MKLN1: variants seen among roughly 807,000 people sequenced by gnomAD.
MKLN1 encodes the protein muskelin.
A neutral mutation model predicts 99.0 loss-of-function variants in MKLN1; 18 were observed. That is an observed-to-expected ratio of 0.18 (90% CI 0.13 to 0.27). MKLN1 has a LOEUF of 0.27. Among genes scored for constraint, MKLN1 ranks in the 10% least tolerant of loss-of-function variants. The pLI is 1.00. For synonymous variants in MKLN1, 288 were observed against 293.2 expected (o/e 0.98, Z 0.18); for missense variants, 621 against 875.9 (o/e 0.71, Z 3.67).
intron 1 of MKLN1, among the ~76,000 whole-genome samples, chr7:131,132,825 C>A (rs1795572315): frequency 6.8e-6 from 1 of 147,410 alleles, no homozygotes; most frequent in Non-Finnish European, 1.5e-5. Flanking sequence ...ACTCATGAGG[C>A]TGAGGCAGGA....
At chr7:131,153,799 A>G (rs1372867150) in intron 2 of MKLN1, among the ~76,000 whole-genome samples, 1 of 151,412 alleles carries the variant, frequency 6.6e-6, no homozygotes, top group Non-Finnish European at 1.5e-5. Context: ...AGTAGCTAGG[A>G]TTACAGGCGT....
At chr7:131,411,846 G>A (rs1366630804) in intron 7 of MKLN1, among the ~76,000 whole-genome samples, 1 of 140,008 alleles carries the variant, frequency 7.1e-6, no homozygotes, top group Non-Finnish European at 1.5e-5. Context: ...GGCAGAGGTT[G>A]CAGTGAGCTG....
intron 3 of MKLN1, among the ~76,000 whole-genome samples, chr7:131,283,549 C>G (rs971007904): frequency 2.6e-5 from 4 of 151,790 alleles, no homozygotes; most frequent in Non-Finnish European, 5.9e-5. Context: ...ATCCTCCCAC[C>G]TCAGCCTCCC....
intron 1 of MKLN1, among the ~76,000 whole-genome samples, chr7:131,127,249 GCAGATGAAGGGT>G (rs1254148070): frequency 6.6e-6 from 1 of 152,106 alleles, no homozygotes; most frequent in Non-Finnish European, 1.5e-5. Flanking sequence ...ACCACACTCA[GCAGATGAAGGGT>G]CTACTTGGGA....
intron 1 of MKLN1, among the ~76,000 whole-genome samples, chr7:131,136,782 T>C (rs960619636): frequency 4.6e-5 from 7 of 152,326 alleles, no homozygotes; most frequent in Middle Eastern, 3.4e-3. Flanking sequence ...CGCTGTTCCC[T>C]GGAACACCCA....
At chr7:131,116,858 A>G (rs1398604723) in intron 1 of MKLN1, among the ~76,000 whole-genome samples, 3 of 152,148 alleles carry the variant, frequency 2.0e-5, no homozygotes, top group African/African-American at 7.2e-5. Flanking sequence ...TTAATAACAT[A>G]CTTGGCTGGC....
intron 3 of MKLN1, among the ~76,000 whole-genome samples, chr7:131,248,813 T>C (rs1584866750): frequency 6.6e-6 from 1 of 152,182 alleles, no homozygotes; most frequent in East Asian, 1.9e-4. Context: ...CCCACATGGG[T>C]GGGCACCTGC....
intron 3 of MKLN1, among the ~76,000 whole-genome samples, chr7:131,308,799 G>A (rs1403891096): frequency 1.3e-5 from 2 of 149,374 alleles, no homozygotes; most frequent in Non-Finnish European, 3.0e-5. Flanking sequence ...TAGTCAAGCT[G>A]GCTGCCAACT....
At chr7:131,344,556 G>A (rs529265807) in intron 1 of MKLN1, among the ~76,000 whole-genome samples, 1 of 152,158 alleles carries the variant, frequency 6.6e-6, no homozygotes, top group East Asian at 1.9e-4. Context: ...CCTTCCACTG[G>A]GTATGCGGGC....
rs192126960 is a variant in MKLN1 at position 131,392,274 on chromosome 7, G to C, written c.400+3302G>C. ...ATGGAGAGATGTGGATTTTTGTAAA[G>C]GAGTCAGCTGCAGCCTGGATGATTG... On this transcript the variant is annotated intron_variant, in intron 4 of 17. Coordinates refer to ENST00000352689, the MANE Select transcript of MKLN1 (RefSeq NM_013255.5). Among the ~76,000 whole-genome samples, 170 of 152,244 alleles carry C rather than the reference G, an allele frequency of 1.1e-3. 1 individual carries two copies. The highest frequency in any genetic ancestry group is 7.7e-3 in the South Asian group (37 of 4,824).
At chr7:131,413,498 G>A (rs1024367160) in intron 7 of MKLN1, among the ~76,000 whole-genome samples, 1 of 151,900 alleles carries the variant, frequency 6.6e-6, no homozygotes, top group African/African-American at 2.4e-5. Flanking sequence ...TATCAAGTAA[G>A]ACATTAGAAT....
At chr7:131,153,680 T>TTTTGTGAA (rs1795924155) in intron 2 of MKLN1, among the ~76,000 whole-genome samples, 1 of 149,942 alleles carries the variant, frequency 6.7e-6, no homozygotes, top group Non-Finnish European at 1.5e-5. Context: ...TTTTTTTTTT[T>TTTTGTGAA]GAGAAGGAGT....
At chr7:131,285,622 C>T (rs1186607627) in intron 3 of MKLN1, among the ~76,000 whole-genome samples, 1 of 152,160 alleles carries the variant, frequency 6.6e-6, no homozygotes, top group Non-Finnish European at 1.5e-5. Flanking sequence ...TTCTTTTCTT[C>T]TCTTAAAAAG....
At chr7:131,334,907 A>G (rs1385267842) in intron 1 of MKLN1, among the ~76,000 whole-genome samples, 1 of 152,222 alleles carries the variant, frequency 6.6e-6, no homozygotes, top group Non-Finnish European at 1.5e-5. Flanking sequence ...GTTTGTTTAT[A>G]ATACCATTTG....
intron 2 of MKLN1, among the ~76,000 whole-genome samples, chr7:131,193,670 C>G (rs566541895): frequency 6.6e-6 from 1 of 152,192 alleles, no homozygotes; most frequent in Non-Finnish European, 1.5e-5. Context: ...GCGTGAGCCA[C>G]TGCGCTCAGC....
intron 1 of MKLN1, chr7:131,328,309 G>C (rs1798955452): frequency 3.1e-6 from 1 of 327,806 alleles, no homozygotes; most frequent in African/African-American, 2.1e-5. Context: ...AGGGCTTGGG[G>C]GGCGGACGGC....
At chr7:131,129,670 C>T (rs1298517867) in intron 1 of MKLN1, among the ~76,000 whole-genome samples, 1 of 152,136 alleles carries the variant, frequency 6.6e-6, no homozygotes, top group African/African-American at 2.4e-5. Flanking sequence ...ACCTCCTGGG[C>T]TCAAGTGATC....
chr7:131,406,956 G>A (rs999676908), intron 6 of MKLN1, among the ~76,000 whole-genome samples: 13 of 152,006 alleles, frequency 8.6e-5, no homozygotes, highest in African/African-American at 3.1e-4. Context: ...CGAAACTCCA[G>A]TGTGGCAGCC....
intron 2 of MKLN1, among the ~76,000 whole-genome samples, chr7:131,191,717 C>T (rs1364269929): frequency 2.9e-4 from 40 of 137,852 alleles, no homozygotes; most frequent in African/African-American, 9.4e-4. Flanking sequence ...CTTTTTTTTC[C>T]TTTTTTTTTT....
Sources: gnomAD v4.1 joint callset for allele counts (sites outside exome capture counted in the v4.1 genomes callset) on GRCh38, gnomAD v4.1.1 for gene constraint, MANE v1.5 for transcripts, NCBI Gene and HGNC (gene_info 2026-07-23, HGNC 2026-07-21) for gene names.